The following CD8B2 variants were observed in gnomAD, a reference collection of about 807,000 sequenced individuals.
CD8B2 encodes CD8B family member 2, also known as T-cell surface glycoprotein CD8 beta-2 chain.
CD8B2 carries 11 observed loss-of-function variants against 23.7 expected under a neutral mutation model. The observed-to-expected ratio is 0.46, with a 90% CI of 0.29 to 0.77. The LOEUF (loss-of-function observed/expected upper bound fraction) is 0.77. Among genes scored for constraint, CD8B2 ranks in the 30% least tolerant of loss-of-function variants. CD8B2 has a pLI of 0.09. For missense variants in CD8B2, 197 were observed against 270.5 expected, an observed-to-expected ratio of 0.73 and a Z score of 1.91; for synonymous variants, 90 against 109.3, an observed-to-expected ratio of 0.82 and a Z score of 1.10.
Position 106,507,617 on chromosome 2 carries a change from T to C in CD8B2, c.*677T>C. 2 of 960,746 alleles carry C rather than the reference T, an allele frequency of 2.1e-6. No individual in the cohort carries two copies. The highest frequency in any genetic ancestry group is 2.5e-6 in the Non-Finnish European group (2 of 807,402). The allele number at this position is 960,746 out of a possible 1,614,324, so 59.5% of individuals were successfully genotyped here. ...CTTCTTTCATTTTCTGTTTGTTTTA[T>C]ACAAATGTCTTAGTTGTACAAATAA... On this transcript the variant is annotated 3_prime_UTR_variant, in exon 6 of 6. Transcript: ENST00000643224.
At chr2:106,542,726 C>G (rs1680195471) in intron 5 of CD8B2, among the ~76,000 whole-genome samples, 1 of 146,858 alleles carries the variant, frequency 6.8e-6, no homozygotes, top group African/African-American at 2.5e-5. Flanking sequence ...ATGAAACATA[C>G]TATATATGAA....
At chr2:106,544,155 G>T in exon 6 of CD8B2, 1 of 398,242 alleles carries the variant, frequency 2.5e-6, no homozygotes, top group Non-Finnish European at 4.4e-6. Context: ...TGCTCAGACT[G>T]CATGCGTGTC....
chr2:106,538,431 T>G (rs1419184292), intron 5 of CD8B2, among the ~76,000 whole-genome samples: 3 of 152,190 alleles, frequency 2.0e-5, no homozygotes, highest in Non-Finnish European at 4.4e-5. Flanking sequence ...GTAGCTTTCT[T>G]GGCTTGTTTC....
chr2:106,517,001 A>C (rs911960007), intron 5 of CD8B2, among the ~76,000 whole-genome samples: 1 of 148,354 alleles, frequency 6.7e-6, no homozygotes, highest in Non-Finnish European at 1.5e-5. Context: ...AATACATGAT[A>C]TATTTTATAT....
rs958855881 is a variant in CD8B2, at chr2:106,487,398, C to A, written c.-29C>A. ...AGCCGCGACTGTCTCCGCCGAGCCCCCGGGGCCAGGTGTCCCGGGCGCGCC... is the reference window on the plus strand; with the variant it reads ...AGCCGCGACTGTCTCCGCCGAGCCCACGGGGCCAGGTGTCCCGGGCGCGCC... On this transcript the variant is annotated 5_prime_UTR_variant, in exon 1 of 6. Coordinates refer to ENST00000643224, the MANE Select transcript of CD8B2 (RefSeq NM_001349727.2). 1.1e-5 allele frequency: 13 copies of A among 1,222,848 alleles called. No individual in the cohort carries two copies. The Admixed American group carries it at 3.8e-4, about 36-fold the overall frequency. The allele number at this position is 1,222,848 out of a possible 1,614,324, so 75.7% of individuals were successfully genotyped here.
At chr2:106,525,631 C>A (rs1679895348) in intron 5 of CD8B2, among the ~76,000 whole-genome samples, 1 of 152,134 alleles carries the variant, frequency 6.6e-6, no homozygotes, top group Non-Finnish European at 1.5e-5. Context: ...TACTTTCCAT[C>A]CCCTCCTCTC....
In CD8B2 at chr2:106,510,632, T is replaced by C. The variant is rs1268554105; in HGVS notation, c.*3692T>C. 1 of 152,102 alleles carries C rather than the reference T, an allele frequency of 6.6e-6. No individual in the cohort carries two copies. The highest frequency in any genetic ancestry group is 1.5e-5 in the Non-Finnish European group (1 of 68,048). 9.4% of individuals were successfully genotyped at this position (152,102 alleles called of 1,614,324 possible). ...CTGGAGTCCCAGCTATTAGGGAGGA[T>C]GAGGTGGGAGGATCTCCTGAGCCCA... On this transcript the variant is annotated 3_prime_UTR_variant, in exon 6 of 6. Transcript: ENST00000643224.
rs536723161 is a variant in CD8B2, at chr2:106,491,185, G to A, written c.355G>A (p.Val119Ile). 118 of 1,613,218 alleles carry A rather than the reference G, an allele frequency of 7.3e-5. No individual in the cohort carries two copies. Among genetic ancestry groups the A allele is most frequent in the Admixed American group, 5.3e-4 (32 of 60,012 alleles). ...CAGTGGCATCTACTTCTGCATGATC[G>A]TCGGGAGCCCCGAGCTGACCTTCGG... The part of the protein sequence containing the change: ...EDSGIYFCMI[V>I]GSPELTFGKG... Residue 119 changes from valine to isoleucine, a missense_variant, in exon 2 of 6, where the codon GTC (valine) becomes ATC (isoleucine). Around this residue, in one of 3 missense-constraint regions of CD8B2, gnomAD observed 140 missense variants for 164.2 expected, o/e 0.85. Coordinates refer to ENST00000643224, the MANE Select transcript of CD8B2 (RefSeq NM_001349727.2).
Position 106,491,788 on chromosome 2 carries a change from A to T in CD8B2, c.403+555A>T, listed in dbSNP as rs376856682. Among the ~76,000 whole-genome samples, 14 of 152,230 alleles carry T rather than the reference A, an allele frequency of 9.2e-5. No individual in the cohort carries two copies. In the East Asian group the frequency reaches 2.7e-3, roughly 29 times the overall value. ...GGTCTCGAACTCCTGACCTCAAGTG[A>T]TCCACCCACCTTAGCCTCCCAAAGC... On this transcript the variant is annotated intron_variant, in intron 2 of 5. Coordinates refer to ENST00000643224, the MANE Select transcript of CD8B2 (RefSeq NM_001349727.2).
intron 5 of CD8B2, among the ~76,000 whole-genome samples, chr2:106,534,829 G>GTTTA (rs1393541668): frequency 1.3e-5 from 2 of 151,876 alleles, no homozygotes; most frequent in African/African-American, 4.8e-5. Context: ...CCTAATGTTT[G>GTTTA]TTTGTTTGAA....
chr2:106,543,245 G>A (rs894061371), intron 5 of CD8B2: 2 of 152,166 alleles, frequency 1.3e-5, no homozygotes, highest in African/African-American at 4.8e-5. Flanking sequence ...TATCAGGCTT[G>A]GCGGAGTGGC....
At chr2:106,532,042 C>T (rs748434393) in intron 5 of CD8B2, among the ~76,000 whole-genome samples, 4 of 152,262 alleles carry the variant, frequency 2.6e-5, no homozygotes, top group East Asian at 1.9e-4. Flanking sequence ...CACACCCAAC[C>T]GCCCTCTTGA....
intron 3 of CD8B2, among the ~76,000 whole-genome samples, chr2:106,498,318 T>C (rs1321167834): frequency 3.3e-5 from 5 of 152,058 alleles, no homozygotes; most frequent in African/African-American, 1.2e-4. Flanking sequence ...TGGCTAATTT[T>C]TGTATTTTTA....
At chr2:106,513,119 A>T (rs954311008), downstream of CD8B2, among the ~76,000 whole-genome samples, 2 of 135,134 alleles carry the variant, frequency 1.5e-5, no homozygotes, top group African/African-American at 2.8e-5. Flanking sequence ...TCCCCCACCC[A>T]TCCGCCCACC....
chr2:106,497,381 C>A (rs7571584), intron 3 of CD8B2, among the ~76,000 whole-genome samples: 149,820 of 152,344 alleles, frequency 0.98, 73,721 homozygotes, highest in East Asian at 1. Flanking sequence ...TCTCTATGCT[C>A]CACCAGACAC....
intron 5 of CD8B2, among the ~76,000 whole-genome samples, chr2:106,541,518 C>T (rs1680173637): frequency 6.6e-6 from 1 of 152,172 alleles, no homozygotes; most frequent in Non-Finnish European, 1.5e-5. Context: ...AACAGGACAG[C>T]TCCCACAACC....
chr2:106,516,988 A>G (rs986242881), intron 5 of CD8B2, among the ~76,000 whole-genome samples: 1 of 148,276 alleles, frequency 6.7e-6, no homozygotes, highest in East Asian at 1.9e-4. Flanking sequence ...ATATATGAAG[A>G]TTAATACATG....
chr2:106,506,786 G>A, intron 5 of CD8B2, 142 bp from the exon 6 acceptor site: 1 of 1,087,324 alleles, frequency 9.2e-7, no homozygotes, highest in Non-Finnish European at 1.3e-6. Flanking sequence ...ATGGGCCCTA[G>A]AAACATACTA....
intron 5 of CD8B2, among the ~76,000 whole-genome samples, chr2:106,536,444 C>A (rs879645118): frequency 1.3e-5 from 2 of 152,186 alleles, no homozygotes; most frequent in Non-Finnish European, 2.9e-5. Context: ...CTGCCTCCAA[C>A]TTTGGGGATT....
Sources: allele counts gnomAD v4.1 joint callset (sites outside exome capture counted in the v4.1 genomes callset), GRCh38; gene constraint gnomAD v4.1.1; regional missense constraint gnomAD v4.1.1; transcripts MANE v1.5; gene names NCBI Gene and HGNC (gene_info 2026-07-23, HGNC 2026-07-21).